PEX7: variants seen among roughly 807,000 people sequenced by gnomAD.
PEX7 encodes PTS2 receptor.
PEX7 carries 34 observed loss-of-function variants against 47.5 expected under a neutral mutation model. The ratio of observed to expected loss-of-function variants is 0.72; its 90% CI spans 0.54 to 0.95. The LOEUF (loss-of-function observed/expected upper bound fraction) is 0.95. Among genes scored for constraint, PEX7 ranks in the 40% least tolerant of loss-of-function variants. The pLI, the probability that PEX7 is intolerant of heterozygous loss-of-function variation, is 0.00. For synonymous variants in PEX7, 141 were observed against 148.8 expected (o/e 0.95, Z 0.38); for missense variants, 394 against 400.3 (o/e 0.98, Z 0.13).
chr6:136,905,329 C>T (rs1336700139), intron 9 of PEX7, among the ~76,000 whole-genome samples: 1 of 152,180 alleles, frequency 6.6e-6, no homozygotes, highest in African/African-American at 2.4e-5. Context: ...TTTCAAAGCT[C>T]TATGGGGCTT....
intron 1 of PEX7, among the ~76,000 whole-genome samples, 174 bp from the exon 2 acceptor site, chr6:136,825,040 C>A (rs537003466): frequency 1.3e-5 from 2 of 152,278 alleles, no homozygotes; most frequent in African/African-American, 4.8e-5. Context: ...GTATTCATGT[C>A]CCAAAAACTT....
chr6:136,842,699 A>G (rs200986121), intron 3 of PEX7, among the ~76,000 whole-genome samples: 2 of 152,374 alleles, frequency 1.3e-5, no homozygotes, highest in Non-Finnish European at 2.9e-5. Flanking sequence ...TGTGATGAAC[A>G]TAGATGTACA....
chr6:136,867,661 C>T (rs1371750582), intron 6 of PEX7, among the ~76,000 whole-genome samples: 4 of 151,820 alleles, frequency 2.6e-5, no homozygotes, highest in African/African-American at 9.7e-5. Flanking sequence ...GCCTGTAGTC[C>T]CAGCTACTCG....
chr6:136,865,521 A>G (rs150139033), intron 5 of PEX7, among the ~76,000 whole-genome samples: 5,411 of 151,880 alleles, frequency 0.036, 97 homozygotes, highest in African/African-American at 0.051. Flanking sequence ...CTGGTCTCAG[A>G]CTCCTGACCA....
At chr6:136,865,095 G>A (rs1775035138) in intron 5 of PEX7, among the ~76,000 whole-genome samples, 1 of 152,162 alleles carries the variant, frequency 6.6e-6, no homozygotes, top group Non-Finnish European at 1.5e-5. Flanking sequence ...TTAATTGGGT[G>A]TCTGTGCAAT....
intron 3 of PEX7, among the ~76,000 whole-genome samples, chr6:136,844,348 G>A (rs559644911): frequency 1.0e-3 from 154 of 151,576 alleles, no homozygotes; most frequent in Non-Finnish European, 1.8e-3. Context: ...TCCAGCCTGG[G>A]CGACTGCGCA....
At chr6:136,836,850 G>T (rs1235821231) in intron 3 of PEX7, among the ~76,000 whole-genome samples, 2 of 152,044 alleles carry the variant, frequency 1.3e-5, no homozygotes, top group African/African-American at 2.4e-5. Context: ...CTACTTAGGA[G>T]GCTGAGGCAG....
chr6:136,866,837 C>T (rs1057451161), intron 6 of PEX7, 104 bp downstream of exon 6: 3 of 945,238 alleles, frequency 3.2e-6, no homozygotes, highest in Admixed American at 2.0e-5. Flanking sequence ...GTTCCTGGAC[C>T]ATTAAGTTAA....
Position 136,866,729 on chromosome 6 carries a change from A to G in PEX7, c.629A>G (p.Asn210Ser), listed in dbSNP as rs753193218. 6.2e-6 allele frequency: 10 copies of G among 1,610,536 alleles called. No individual in the cohort carries two copies. The highest frequency in any genetic ancestry group is 2.2e-5 in the East Asian group (1 of 44,824). The change falls in exon 6 of 10, where the codon AAT (asparagine) becomes AGT (serine). Residue 210 changes from asparagine to serine, a missense_variant. Transcript: ENST00000318471. The part of the protein sequence containing the change: ...EILSCDWCKY[N>S]ENLLVTGAVD... ...TTGAGTTGTGACTGGTGTAAATACA[A>G]TGAGGTATAGTGTATGGCTCTATCC...
chr6:136,878,364 G>T (rs1162863120), intron 8 of PEX7, among the ~76,000 whole-genome samples: 1 of 152,110 alleles, frequency 6.6e-6, no homozygotes, highest in Admixed American at 6.5e-5. Flanking sequence ...GGTGAGAGAG[G>T]GCATCCTTGT....
chr6:136,826,193 A>C, intron 2 of PEX7, 126 bp from the exon 3 acceptor site: 1 of 1,010,668 alleles, frequency 9.9e-7, no homozygotes, highest in Non-Finnish European at 1.5e-6. Flanking sequence ...TGCAGATTAC[A>C]TGAGATATAC....
chr6:136,829,925 A>G (rs1774263317), intron 3 of PEX7: 1 of 689,268 alleles, frequency 1.5e-6, no homozygotes, highest in Non-Finnish European at 2.6e-6. Flanking sequence ...CAACAGAGTG[A>G]GACCCTGTCT....
At chr6:136,880,361 C>T (rs1464006763) in intron 8 of PEX7, among the ~76,000 whole-genome samples, 3 of 152,070 alleles carry the variant, frequency 2.0e-5, no homozygotes, top group Non-Finnish European at 4.4e-5. Flanking sequence ...AATCTGTAAT[C>T]TAATCTTTAT....
intron 8 of PEX7, 124 bp from the exon 9 acceptor site, chr6:136,898,018 T>C (rs775763550): frequency 8.8e-6 from 6 of 678,032 alleles, no homozygotes; most frequent in African/African-American, 3.6e-5. Context: ...TGGGGTTCTG[T>C]ATTTATGAAT....
At chr6:136,909,034 C>T (rs867602670) in intron 9 of PEX7, among the ~76,000 whole-genome samples, 8 of 152,162 alleles carry the variant, frequency 5.3e-5, no homozygotes, top group East Asian at 3.9e-4. Flanking sequence ...TTACATATTA[C>T]GCTACAGTAT....
At chr6:136,857,705 T>C (rs190577482) in intron 5 of PEX7, among the ~76,000 whole-genome samples, 1 of 152,246 alleles carries the variant, frequency 6.6e-6, no homozygotes, top group Non-Finnish European at 1.5e-5. Context: ...TCATTCCTCA[T>C]TTCTAAAATC....
Position 136,845,703 on chromosome 6 carries a change from A to G in PEX7, c.417+11A>G. 6.5e-7 allele frequency: 1 copy of G among 1,534,866 alleles called. No homozygotes were observed. Among genetic ancestry groups the G allele is most frequent in the East Asian group, 2.2e-5 (1 of 44,524 alleles). On this transcript the variant is annotated intron_variant, in intron 4 of 9. Transcript: ENST00000318471. ...CAAACTGTCAAATTGGTATGTTAGC[A>G]TTATTGTATTCAAAAACGAATATTC...
chr6:136,882,092 C>G (rs1775384934), intron 8 of PEX7, among the ~76,000 whole-genome samples: 1 of 151,486 alleles, frequency 6.6e-6, no homozygotes, highest in Non-Finnish European at 1.5e-5. Context: ...CACAAGCTCA[C>G]AGGGTGATTA....
chr6:136,823,454 A>C (rs1481023280), intron 1 of PEX7: 1 of 662,928 alleles, frequency 1.5e-6, no homozygotes, highest in Non-Finnish European at 1.9e-6. Context: ...GCTGCTCAGG[A>C]GGCTGAGGCG....
Sources: allele counts gnomAD v4.1 joint callset (sites outside exome capture counted in the v4.1 genomes callset), GRCh38; gene constraint gnomAD v4.1.1; transcripts MANE v1.5; gene names NCBI Gene and HGNC (gene_info 2026-07-23, HGNC 2026-07-21).